Variants in REXO2 observed in about 807,000 individuals in gnomAD.
REXO2 encodes RNA exonuclease 2, also known as oligoribonuclease, mitochondrial.
Under a neutral mutation model 30.9 loss-of-function variants are expected in REXO2, and 17 were observed. The ratio of observed to expected loss-of-function variants is 0.55; its 90% CI spans 0.38 to 0.82. REXO2 has a LOEUF of 0.82. Ranked by LOEUF, REXO2 falls within the 40% of genes least tolerant of loss-of-function variation. REXO2 has a pLI of 0.00. For synonymous variants in REXO2, 105 were observed against 99.6 expected (o/e 1.05, Z -0.32); for missense variants, 253 against 293.2 (o/e 0.86, Z 1.00).
Position 114,446,054 on chromosome 11 carries a change from T to A in REXO2, c.497T>A (p.Ile166Lys), listed in dbSNP as rs1946508109. The A allele has an allele frequency of 6.2e-7, 1 of 1,604,050 alleles. No individual in the cohort carries two copies. Among genetic ancestry groups the A allele is most frequent in the Admixed American group, 1.7e-5 (1 of 59,552 alleles). Reference sequence around the variant, plus strand: ...TTCATGAAACATCTTCATTATAGAATAATTGATGTGAGCACTGTTAAAGAA... The same window carrying A: ...TTCATGAAACATCTTCATTATAGAAAAATTGATGTGAGCACTGTTAAAGAA... ...PQFMKHLHYR[I>K]IDVSTVKELC... Residue 166 changes from isoleucine to lysine, a missense_variant, in exon 5 of 7, where the codon ATA becomes AAA. Transcript: ENST00000265881.
chr11:114,442,496 T>G (rs1332746915), intron 2 of REXO2, among the ~76,000 whole-genome samples: 2 of 152,176 alleles, frequency 1.3e-5, no homozygotes, highest in Non-Finnish European at 2.9e-5. Flanking sequence ...CCAGTTTTCT[T>G]GTTTGGCTAA....
intron 4 of REXO2, 80 bp downstream of exon 4, chr11:114,444,732 G>A (rs562208793): frequency 1.4e-5 from 12 of 834,418 alleles, no homozygotes; most frequent in Admixed American, 1.4e-4. Flanking sequence ...AAGACTAGCC[G>A]AGCCCATCCA....
At chr11:114,443,414 TTCAAAATGAAC>T (rs1946492943) in intron 2 of REXO2, among the ~76,000 whole-genome samples, 1 of 152,040 alleles carries the variant, frequency 6.6e-6, no homozygotes, top group African/African-American at 2.4e-5. Flanking sequence ...CTAGACACTT[TTCAAAATGAAC>T]TCATAATCAA....
intron 2 of REXO2, chr11:114,441,940 G>T (rs972283080): frequency 1.2e-5 from 7 of 587,710 alleles, no homozygotes; most frequent in East Asian, 8.3e-5. Context: ...ATTTATTGGA[G>T]ATCAATAGTG....
chr11:114,443,174 G>A (rs1414452410), intron 2 of REXO2, among the ~76,000 whole-genome samples: 2 of 151,380 alleles, frequency 1.3e-5, no homozygotes, highest in African/African-American at 4.9e-5. Flanking sequence ...GCAGTGGCAT[G>A]TAGCTCACTG....
At chr11:114,443,970 A>G (rs750108555) in intron 3 of REXO2, 37 bp downstream of exon 3, 2 of 1,465,376 alleles carry the variant, frequency 1.4e-6, no homozygotes, top group South Asian at 2.4e-5. Flanking sequence ...TGCTTTGGGG[A>G]TCAGTAGCAA....
intron 1 of REXO2, chr11:114,440,157 T>TAGTGAGAGTCTGAGTTGAGACCAGAA (rs1193885190): frequency 2.2e-6 from 1 of 462,048 alleles, no homozygotes; most frequent in South Asian, 1.5e-5. Context: ...GTCGTGCTGT[T>TAGTGAGAGTCTGAGTTGAGACCAGAA]AGTGAGAGTC....
At chr11:114,439,882 A>G (rs1214132051) in intron 1 of REXO2, 3 of 605,458 alleles carry the variant, frequency 5.0e-6, no homozygotes, top group East Asian at 2.9e-5. Flanking sequence ...GCTTCTTTCC[A>G]CAAGGGAGGA....
Position 114,450,179 on chromosome 11 carries a change from T to A in REXO2, c.*204T>A, listed in dbSNP as rs1194544127. The A allele has an allele frequency of 1.0e-5, 4 of 399,240 alleles. No homozygotes were observed. The highest frequency in any genetic ancestry group is 1.8e-5 in the Non-Finnish European group (4 of 223,070). The allele number at this position is 399,240 out of a possible 1,614,324, so 24.7% of individuals were successfully genotyped here. On this transcript the variant is annotated 3_prime_UTR_variant, in exon 7 of 7. Transcript: ENST00000265881. ...CAGCAGCTCCTTTGTAAGTACCAGG[T>A]CATGTCCATCCCTTGGTACATATAT... is the stretch of plus-strand genomic sequence containing the variant.
intron 6 of REXO2, 99 bp downstream of exon 6, chr11:114,447,978 G>A: frequency 3.3e-6 from 3 of 904,438 alleles, no homozygotes; most frequent in East Asian, 2.5e-5. Flanking sequence ...TTTTTTCTCG[G>A]GGAAAAGATA....
At chr11:114,448,230 C>A (rs1187849605) in intron 6 of REXO2, among the ~76,000 whole-genome samples, 1 of 152,170 alleles carries the variant, frequency 6.6e-6, no homozygotes, top group African/African-American at 2.4e-5. Context: ...GTGTGCAATT[C>A]TATAATACAG....
intron 1 of REXO2, 151 bp downstream of exon 1, chr11:114,439,826 G>A: frequency 3.4e-6 from 3 of 885,136 alleles, no homozygotes; most frequent in Non-Finnish European, 5.0e-6. Context: ...GGGCAAGTCC[G>A]GAGGCAGGAG....
intron 1 of REXO2, 35 bp downstream of exon 1, chr11:114,439,710 G>T (rs1046580443): frequency 6.9e-7 from 1 of 1,454,506 alleles, no homozygotes; most frequent in East Asian, 2.6e-5. Context: ...GGGGAGGCGA[G>T]TGAGGTTTCG....
chr11:114,439,913 T>G (rs1422759055), intron 1 of REXO2: 1 of 572,252 alleles, frequency 1.7e-6, no homozygotes, highest in Non-Finnish European at 3.1e-6. Flanking sequence ...TGGCTTCTTC[T>G]CCTCCCTACC....
At position 114,443,888 on chromosome 11, in the gene REXO2, G is replaced by A. The variant is rs770041778; in HGVS notation, c.264G>A (p.Glu88=). Residue 88 remains glutamate, a synonymous_variant, in exon 3 of 7, where the codon GAG becomes GAA. Coordinates refer to ENST00000265881, the MANE Select transcript of REXO2 (RefSeq NM_015523.4). ...ACCTGATTATAAAACAACCAGATGA[G>A]TTGCTGGACAGCATGTCAGATTGGT... ...GPNLIIKQPD[E]LLDSMSDWCK... 2 of 1,609,620 alleles carry A rather than the reference G, an allele frequency of 1.2e-6. No homozygotes were observed. The highest frequency in any genetic ancestry group is 1.1e-5 in the South Asian group (1 of 89,774).
chr11:114,443,115 CTTTT>C (rs760500402), intron 2 of REXO2, among the ~76,000 whole-genome samples: 1 of 144,498 alleles, frequency 6.9e-6, no homozygotes, highest in Non-Finnish European at 1.5e-5. Flanking sequence ...AATATAGATA[CTTTT>C]TTTTTTTAAG....
chr11:114,441,840 ACTTTGTACTT>A, intron 2 of REXO2: 1 of 684,556 alleles, frequency 1.5e-6, no homozygotes, highest in South Asian at 1.6e-5. Flanking sequence ...GAATCATGAG[ACTTTGTACTT>A]CTCATCATAA....
rs558445778 is a variant in REXO2, at chr11:114,440,846, A to G, written c.231+107A>G. ...AAAAAATAAGAAAGTTGAGGTCTAT[A>G]TGGGTTAAGGTAATGTGCTAGGTCA... is the stretch of plus-strand genomic sequence containing the variant. On this transcript the variant is annotated intron_variant, in intron 2 of 6. Coordinates refer to ENST00000265881, the MANE Select transcript of REXO2 (RefSeq NM_015523.4). The G allele has an allele frequency of 9.9e-5, 85 of 859,668 alleles. No individual in the cohort carries two copies. In the African/African-American group the frequency reaches 1.2e-3, roughly 12 times the overall value. The allele number at this position is 859,668 out of a possible 1,614,324, so 53.3% of individuals were successfully genotyped here. A position where few individuals can be genotyped will look rare whatever the true frequency, so the allele number is the denominator to read the frequency against.
At chr11:114,445,875 A>G in intron 4 of REXO2, 104 bp from the exon 5 acceptor site, 1 of 718,800 alleles carries the variant, frequency 1.4e-6, no homozygotes, top group South Asian at 1.7e-5. Context: ...GAATTGTTTG[A>G]ATTTTAAAAA....
Sources: gnomAD v4.1 joint callset for allele counts (sites outside exome capture counted in the v4.1 genomes callset) on GRCh38, gnomAD v4.1.1 for gene constraint, MANE v1.5 for transcripts, NCBI Gene and HGNC (gene_info 2026-07-23, HGNC 2026-07-21) for gene names.